The following TNFRSF19 variants were observed in gnomAD, a reference collection of about 807,000 sequenced individuals.
TNFRSF19 encodes the protein TNF receptor superfamily member 19.
Under a neutral mutation model 46.4 loss-of-function variants are expected in TNFRSF19, and 27 were observed. The ratio of observed to expected loss-of-function variants is 0.58; its 90% CI spans 0.43 to 0.80. The LOEUF (loss-of-function observed/expected upper bound fraction) is 0.80, where lower values mean the gene tolerates loss of function less well. TNFRSF19 is among the 30% of genes least tolerant of loss of function. The pLI is 0.00. For missense variants in TNFRSF19, 511 were observed against 530.8 expected (o/e 0.96, Z 0.37); for synonymous variants, 204 against 205.0 (o/e 1.00, Z 0.04).
intron 4 of TNFRSF19, among the ~76,000 whole-genome samples, chr13:23,618,549 C>T (rs1881454378): frequency 6.6e-6 from 1 of 152,202 alleles, no homozygotes; most frequent in African/African-American, 2.4e-5. Flanking sequence ...TTGAAACCCT[C>T]ATACACTGTT....
At chr13:23,592,832 G>GT (rs1343716051) in intron 2 of TNFRSF19, among the ~76,000 whole-genome samples, 1 of 152,178 alleles carries the variant, frequency 6.6e-6, no homozygotes, top group Non-Finnish European at 1.5e-5. Flanking sequence ...CGAAGTTCTT[G>GT]TGGCTACGCT....
chr13:23,669,344 T>C, intron 9 of TNFRSF19: 1 of 1,301,064 alleles, frequency 7.7e-7, no homozygotes, highest in Non-Finnish European at 9.7e-7. Context: ...TACAACCACT[T>C]AGCACAGCAC....
intron 4 of TNFRSF19, 49 bp downstream of exon 4, chr13:23,616,094 T>G (rs1593258364): frequency 1.3e-6 from 2 of 1,535,268 alleles, no homozygotes; most frequent in Non-Finnish European, 1.8e-6. Context: ...TAAGTAACTT[T>G]TAAAAAGGCA....
intron 4 of TNFRSF19, among the ~76,000 whole-genome samples, chr13:23,622,307 G>A (rs1022385351): frequency 1.8e-4 from 28 of 151,876 alleles, no homozygotes; most frequent in African/African-American, 6.8e-4. Context: ...TACTTGGGAG[G>A]CTGAGGGAGG....
chr13:23,638,289 C>T (rs1410528312), intron 5 of TNFRSF19, among the ~76,000 whole-genome samples: 1 of 152,116 alleles, frequency 6.6e-6, no homozygotes, highest in East Asian at 1.9e-4. Flanking sequence ...TAATTGTTTT[C>T]AATGTTAATG....
At chr13:23,619,727 G>A (rs867060444) in intron 4 of TNFRSF19, among the ~76,000 whole-genome samples, 10 of 152,186 alleles carry the variant, frequency 6.6e-5, no homozygotes, top group Admixed American at 4.6e-4. Flanking sequence ...CTGTCTGTGC[G>A]TGTCTACTCT....
intron 5 of TNFRSF19, among the ~76,000 whole-genome samples, chr13:23,631,273 T>C (rs9580701): frequency 0.09 from 13,769 of 152,272 alleles, 708 homozygotes; most frequent in Middle Eastern, 0.12. Context: ...ATTTGCAGCA[T>C]TGATCATTAC....
intron 3 of TNFRSF19, among the ~76,000 whole-genome samples, chr13:23,610,383 C>G (rs1023269743): frequency 6.6e-6 from 1 of 152,212 alleles, no homozygotes; most frequent in East Asian, 1.9e-4. Flanking sequence ...CCAAATGTGG[C>G]TTAAAAATAT....
chr13:23,628,674 G>T (rs1014889976), intron 5 of TNFRSF19, among the ~76,000 whole-genome samples: 1 of 152,124 alleles, frequency 6.6e-6, no homozygotes, highest in East Asian at 1.9e-4. Flanking sequence ...GCCTTTGAAG[G>T]TAGATCTCAC....
intron 3 of TNFRSF19, among the ~76,000 whole-genome samples, chr13:23,598,774 T>C (rs1476576226): frequency 1.3e-5 from 2 of 152,258 alleles, no homozygotes; most frequent in Non-Finnish European, 2.9e-5. Context: ...CTTTATTTGC[T>C]GATCTTTTGA....
At chr13:23,669,504 C>G (rs1951718497) in intron 9 of TNFRSF19, 2 of 985,066 alleles carry the variant, frequency 2.0e-6, no homozygotes, top group Admixed American at 1.2e-4. Context: ...CATTCACTGC[C>G]AAGTTTATGT....
At position 23,648,215 on chromosome 13, in the gene TNFRSF19, A is replaced by G. The variant is rs542913792; in HGVS notation, c.446-10835A>G. The stretch of plus-strand genomic sequence containing the variant: ...TTAACAATAGTAATTTTTTCAGTCT[A>G]TGGACATGGAAGGTGCTTCCATATA... On this transcript the variant is annotated intron_variant, in intron 5 of 9. Transcript: ENST00000248484. 7.9e-5 allele frequency among the ~76,000 whole-genome samples: 12 copies of G among 152,270 alleles called. No individual in the cohort carries two copies. The East Asian group carries it at 2.1e-3, about 27-fold the overall frequency.
chr13:23,587,904 C>A (rs2138171462), intron 1 of TNFRSF19, among the ~76,000 whole-genome samples: 1 of 152,282 alleles, frequency 6.6e-6, no homozygotes, highest in Non-Finnish European at 1.5e-5. Context: ...CTTCAGATGC[C>A]TTCTGCAGGC....
Position 23,626,794 on chromosome 13 carries a change from T to A in TNFRSF19, c.445+2T>A. 1 of 1,614,112 alleles carries A rather than the reference T, an allele frequency of 6.2e-7. No homozygotes were observed. The highest frequency in any genetic ancestry group is 8.5e-7 in the Non-Finnish European group (1 of 1,179,974). ...CTCCTCCTCCTTACGAACCGCACTG[T>A]GAGTGAACGCAACACAGGCAGAGCC... On this transcript the variant is annotated splice_donor_variant, in intron 5 of 9. Transcript: ENST00000248484. LOFTEE classifies it high-confidence loss of function.
At chr13:23,591,778 T>A (rs368165425) in intron 2 of TNFRSF19, among the ~76,000 whole-genome samples, 1 of 149,554 alleles carries the variant, frequency 6.7e-6, no homozygotes, top group Admixed American at 6.7e-5. Flanking sequence ...CAGGCTGGAG[T>A]GCAGTGGTGC....
intron 4 of TNFRSF19, 106 bp downstream of exon 4, chr13:23,616,151 G>A: frequency 2.6e-6 from 3 of 1,174,520 alleles, no homozygotes; most frequent in Non-Finnish European, 3.5e-6. Flanking sequence ...GTATTAACCT[G>A]AAGATGCTGG....
chr13:23,635,501 C>T (rs1288694479), intron 5 of TNFRSF19, among the ~76,000 whole-genome samples: 1 of 152,144 alleles, frequency 6.6e-6, no homozygotes, highest in Non-Finnish European at 1.5e-5. Flanking sequence ...GCCTCAGCCT[C>T]CCAGGTAGCT....
At chr13:23,639,859 G>T (rs1042512547) in intron 5 of TNFRSF19, among the ~76,000 whole-genome samples, 8 of 152,186 alleles carry the variant, frequency 5.3e-5, no homozygotes, top group African/African-American at 1.9e-4. Context: ...TGCTAAAATT[G>T]TTCTTTATTT....
intron 3 of TNFRSF19, among the ~76,000 whole-genome samples, chr13:23,612,351 C>T (rs1566184033): frequency 6.6e-6 from 1 of 152,124 alleles, no homozygotes; most frequent in African/African-American, 2.4e-5. Context: ...TCAAAGCAGA[C>T]ATTTATATTG....
Sources: gnomAD v4.1 joint callset for allele counts (sites outside exome capture counted in the v4.1 genomes callset) on GRCh38, gnomAD v4.1.1 for gene constraint, MANE v1.5 for transcripts, NCBI Gene and HGNC (gene_info 2026-07-23, HGNC 2026-07-21) for gene names.